The following C4orf51 variants were observed in gnomAD, a reference collection of about 807,000 sequenced individuals.
C4orf51 encodes chromosome 4 open reading frame 51.
C4orf51 carries 25 observed loss-of-function variants against 25.2 expected under a neutral mutation model. The observed-to-expected ratio is 0.99, with a 90% confidence interval of 0.72 to 1.39. The LOEUF (loss-of-function observed/expected upper bound fraction) is 1.39, where lower values mean the gene tolerates loss of function less well. C4orf51 is among the 40% of genes most tolerant of loss of function. C4orf51 has a pLI of 0.00. For missense variants in C4orf51, 252 were observed against 239.6 expected (o/e 1.05, Z -0.34); for synonymous variants, 100 against 84.5 (o/e 1.18, Z -1.01).
intron 1 of C4orf51, chr4:145,759,537 A>G (rs1734232799): frequency 6.6e-6 from 1 of 152,204 alleles, no homozygotes; most frequent in South Asian, 2.1e-4. Flanking sequence ...GCAAAACACA[A>G]TGGAAACTTG....
At chr4:145,749,035 A>T (rs1733529019) in intron 1 of C4orf51, among the ~76,000 whole-genome samples, 1 of 147,542 alleles carries the variant, frequency 6.8e-6, no homozygotes, top group African/African-American at 2.5e-5. Context: ...TTTGCATTAT[A>T]TACCTGGATG....
intron 1 of C4orf51, among the ~76,000 whole-genome samples, chr4:145,689,980 G>A (rs1041212237): frequency 2.0e-5 from 3 of 151,858 alleles, no homozygotes; most frequent in South Asian, 4.1e-4. Context: ...CTAGGTGGGC[G>A]GATTACCTGA....
chr4:145,699,052 C>A (rs1306292454), intron 2 of C4orf51, among the ~76,000 whole-genome samples: 1 of 151,030 alleles, frequency 6.6e-6, no homozygotes, highest in Non-Finnish European at 1.5e-5. Flanking sequence ...TCAAATAGCA[C>A]CCCCATTGAG....
intron 2 of C4orf51, among the ~76,000 whole-genome samples, chr4:145,701,856 G>A (rs1009477740): frequency 6.6e-6 from 1 of 151,954 alleles, no homozygotes; most frequent in Non-Finnish European, 1.5e-5. Flanking sequence ...ATTAGGCCGA[G>A]ATATTTTAAC....
At chr4:145,681,795 C>T (rs1393723040) in intron 1 of C4orf51, among the ~76,000 whole-genome samples, 2 of 152,134 alleles carry the variant, frequency 1.3e-5, no homozygotes, top group Non-Finnish European at 2.9e-5. Flanking sequence ...GATAACTAAC[C>T]TGCTCATATG....
At chr4:145,722,691 A>G (rs1560846956) in intron 2 of C4orf51, among the ~76,000 whole-genome samples, 1 of 152,202 alleles carries the variant, frequency 6.6e-6, no homozygotes, top group Non-Finnish European at 1.5e-5. Flanking sequence ...GTACCAGTCC[A>G]TGGCCTGTTA....
intron 2 of C4orf51, among the ~76,000 whole-genome samples, chr4:145,700,904 C>G (rs1730395077): frequency 6.6e-6 from 1 of 152,174 alleles, no homozygotes; most frequent in Non-Finnish European, 1.5e-5. Context: ...AATTCCATGA[C>G]TAGCCCTCCC....
chr4:145,786,278 C>T, the C4orf51 span, among the ~76,000 whole-genome samples: 2 of 152,264 alleles, frequency 1.3e-5, no homozygotes, highest in African/African-American at 2.4e-5. Context: ...TCCCTGTATT[C>T]CCTGACAAAA....
intron 1 of C4orf51, among the ~76,000 whole-genome samples, chr4:145,766,707 A>T (rs371282274): frequency 6.6e-6 from 1 of 152,214 alleles, no homozygotes; most frequent in Non-Finnish European, 1.5e-5. Context: ...GACTACCCAT[A>T]GTTGGAGGGG....
chr4:145,748,513 G>A (rs1008307440), intron 1 of C4orf51, among the ~76,000 whole-genome samples: 2 of 151,808 alleles, frequency 1.3e-5, no homozygotes, highest in African/African-American at 4.8e-5. Context: ...CTTTTTTGAT[G>A]CAGGCACTTA....
At position 145,765,758 on chromosome 4, in the gene C4orf51, C is replaced by A. The variant is rs750433669; in HGVS notation, n.167-5230C>A. The A allele has an allele frequency of 5.6e-6, 9 of 1,609,242 alleles. No homozygotes were observed. Among genetic ancestry groups the A allele is most frequent in the Non-Finnish European group, 8.5e-7 (1 of 1,177,418 alleles). ...CTTCCCCTGAAAAATAAGCAAATAA[C>A]CCAGTCTGTTAATGAGATGAAAATC... On this transcript the variant is annotated intron_variant and non_coding_transcript_variant, in intron 1 of 1. Transcript: ENST00000510096. This position sits in a 1 kb window ranked among gnomAD's most constrained non-coding sequence, Gnocchi z 4.7.
chr4:145,728,030 T>G, intron 3 of C4orf51, among the ~76,000 whole-genome samples: 1 of 113,538 alleles, frequency 8.8e-6, no homozygotes, highest in Admixed American at 1.1e-4. Flanking sequence ...TAATATATAT[T>G]ATATATAATA....
chr4:145,778,535 C>T, the C4orf51 span, among the ~76,000 whole-genome samples: 2 of 152,080 alleles, frequency 1.3e-5, no homozygotes, highest in Non-Finnish European at 2.9e-5. Flanking sequence ...TCACTTGAAC[C>T]CGGGAGGCAG....
At chr4:145,755,418 C>G (rs766543547), downstream of C4orf51, among the ~76,000 whole-genome samples, 5 of 152,182 alleles carry the variant, frequency 3.3e-5, no homozygotes, top group Non-Finnish European at 5.9e-5. Flanking sequence ...TATAATTCTA[C>G]TGAAAACCAA....
At chr4:145,681,965 G>A (rs569787119) in intron 1 of C4orf51, among the ~76,000 whole-genome samples, 2 of 152,228 alleles carry the variant, frequency 1.3e-5, no homozygotes, top group South Asian at 2.1e-4. Flanking sequence ...CTGAGGTCCT[G>A]TCTGAAAATA....
chr4:145,710,119 T>C (rs558360271), intron 2 of C4orf51, among the ~76,000 whole-genome samples: 2 of 152,304 alleles, frequency 1.3e-5, no homozygotes, highest in East Asian at 3.9e-4. Flanking sequence ...CAGAATGTAT[T>C]TGAGTCATGG....
intron 2 of C4orf51, among the ~76,000 whole-genome samples, chr4:145,703,791 A>G (rs1402785674): frequency 6.6e-6 from 1 of 152,216 alleles, no homozygotes; most frequent in African/African-American, 2.4e-5. Context: ...AGTGTAAGAT[A>G]GGAGTACAAT....
chr4:145,747,472 CTTCTA>C (rs1733433916), intron 1 of C4orf51, among the ~76,000 whole-genome samples: 1 of 150,662 alleles, frequency 6.6e-6, no homozygotes, highest in African/African-American at 2.4e-5. Flanking sequence ...TGGTTTTTGT[CTTCTA>C]TTCTGTTGAT....
downstream of C4orf51, among the ~76,000 whole-genome samples, chr4:145,756,162 T>C (rs778797663): frequency 2.0e-5 from 3 of 152,322 alleles, no homozygotes; most frequent in East Asian, 3.9e-4. Flanking sequence ...AGGGGACATA[T>C]GTGCTCACCA....
Sources: gnomAD v4.1 joint callset for allele counts (sites outside exome capture counted in the v4.1 genomes callset) on GRCh38, gnomAD v4.1.1 for gene constraint, Gnocchi (gnomAD v3.1) non-coding constraint, MANE v1.5 for transcripts, NCBI Gene and HGNC (gene_info 2026-07-23, HGNC 2026-07-21) for gene names.